Variants in PTGS1 observed in about 807,000 individuals in gnomAD.
PTGS1 encodes the protein prostaglandin G/H synthase 1.
PTGS1 carries 40 observed loss-of-function variants against 63.0 expected under a neutral mutation model. The observed-to-expected ratio is 0.63, with a 90% confidence interval of 0.49 to 0.83. The LOEUF (loss-of-function observed/expected upper bound fraction) is 0.83, where lower values mean the gene tolerates loss of function less well. PTGS1 is among the 40% of genes least tolerant of loss of function. The pLI is 0.00. For synonymous variants in PTGS1, 298 were observed against 301.9 expected (o/e 0.99, Z 0.13); for missense variants, 709 against 786.5 (o/e 0.90, Z 1.18).
rs1838412835 is a variant in PTGS1, at chr9:122,393,619, G to C, written c.*1075G>C. ...AGCATACAACAGAGGGGGCACCCGGGGAGGAGAGCACATACTGTGTTCCAA... is the reference window on the plus strand; with the variant it reads ...AGCATACAACAGAGGGGGCACCCGGCGAGGAGAGCACATACTGTGTTCCAA... On this transcript the variant is annotated 3_prime_UTR_variant, in exon 11 of 11. Coordinates refer to ENST00000362012, the MANE Select transcript of PTGS1 (RefSeq NM_000962.4). 6.6e-6 allele frequency: 1 copy of C among 152,268 alleles called. No individual in the cohort carries two copies. Among genetic ancestry groups the C allele is most frequent in the African/African-American group, 2.4e-5 (1 of 41,448 alleles). 9.4% of individuals were successfully genotyped at this position (152,268 alleles called of 1,614,324 possible). A position where few individuals can be genotyped will look rare whatever the true frequency, so the allele number is the denominator to read the frequency against.
chr9:122,376,345 TG>T (rs869206264), intron 2 of PTGS1, among the ~76,000 whole-genome samples: 2 of 2,424 alleles, frequency 8.3e-4, no homozygotes, highest in Non-Finnish European at 2.7e-3. Flanking sequence ...GGTCCTTGCT[TG>T]TGTGTGTGTG....
At chr9:122,371,611 AG>A in intron 2 of PTGS1, 1 of 1,431,688 alleles carries the variant, frequency 7.0e-7, no homozygotes, top group South Asian at 1.5e-5. Flanking sequence ...TGTTTCCTAT[AG>A]GGGCCTCTTT....
At chr9:122,392,006 C>T (rs1305580896) in intron 10 of PTGS1, among the ~76,000 whole-genome samples, 183 bp from the exon 11 acceptor site, 1 of 152,092 alleles carries the variant, frequency 6.6e-6, no homozygotes, top group Non-Finnish European at 1.5e-5. Context: ...TGTGCTTTTC[C>T]TCTTGACCCT....
rs1564139947 is a variant in PTGS1, at chr9:122,383,610, G to A, written c.864G>A (p.Gln288=). 1.9e-6 allele frequency: 3 copies of A among 1,614,232 alleles called. No homozygotes were observed. Among genetic ancestry groups the A allele is most frequent in the South Asian group, 2.2e-5 (2 of 91,074 alleles). Residue 288 remains glutamine, a synonymous_variant, in exon 8 of 11, where the codon CAG becomes CAA. Coordinates refer to ENST00000362012, the MANE Select transcript of PTGS1 (RefSeq NM_000962.4). ...IPPQSQMAVG[Q]EVFGLLPGLM... is the part of the protein sequence containing the mutation. ...CCCAGAGCCAGATGGCTGTGGGCCA[G>A]GAGGTGTTTGGGCTGCTTCCTGGGC...
rs186149216 is a variant in PTGS1, at chr9:122,380,422, G to A, written c.497-949G>A. On this transcript the variant is annotated intron_variant, in intron 5 of 10. Coordinates refer to ENST00000362012, the MANE Select transcript of PTGS1 (RefSeq NM_000962.4). ...CGAGGCTGTAGTGAGCCATAATTGC[G>A]GCACTGCACTCTGGCCTGGGCAATA... Among the ~76,000 whole-genome samples, 265 of 151,870 alleles carry A rather than the reference G, an allele frequency of 1.7e-3. 1 individual carries two copies. The highest frequency in any genetic ancestry group is 5.5e-3 in the African/African-American group (227 of 41,370).
chr9:122,391,347 CTA>C (rs1170512899), intron 10 of PTGS1, among the ~76,000 whole-genome samples: 8 of 109,564 alleles, frequency 7.3e-5, no homozygotes, highest in Admixed American at 3.1e-4. Flanking sequence ...TATATATATA[CTA>C]TATATATACA....
At chr9:122,385,059 G>A (rs1837794807) in intron 8 of PTGS1, among the ~76,000 whole-genome samples, 1 of 152,158 alleles carries the variant, frequency 6.6e-6, no homozygotes, top group Non-Finnish European at 1.5e-5. Context: ...CCGGGTTCGA[G>A]CAATTCTCGT....
At chr9:122,388,103 C>T (rs755014745) in intron 9 of PTGS1, among the ~76,000 whole-genome samples, 11 of 152,208 alleles carry the variant, frequency 7.2e-5, no homozygotes, top group Non-Finnish European at 2.9e-5. Flanking sequence ...GTTTTCAGAA[C>T]GTTTTCAAGG....
chr9:122,377,075 G>T (rs1293444831), intron 2 of PTGS1, among the ~76,000 whole-genome samples: 1 of 152,160 alleles, frequency 6.6e-6, no homozygotes, highest in Non-Finnish European at 1.5e-5. Context: ...GGATCCTAGA[G>T]CCCAGACCCC....
intron 10 of PTGS1, among the ~76,000 whole-genome samples, chr9:122,390,938 T>C (rs1838184343): frequency 6.6e-6 from 1 of 151,992 alleles, no homozygotes; most frequent in Admixed American, 6.6e-5. Flanking sequence ...AGACAGCAGG[T>C]ATCTAGGGAA....
At chr9:122,375,137 C>T (rs1179444634) in intron 2 of PTGS1, among the ~76,000 whole-genome samples, 2 of 152,216 alleles carry the variant, frequency 1.3e-5, no homozygotes, top group African/African-American at 4.8e-5. Flanking sequence ...AGCGGCAGGC[C>T]CACTGTTGTC....
rs202095521 is a variant in PTGS1, at chr9:122,381,343, C to T, written c.497-28C>T. The stretch of plus-strand genomic sequence containing the variant: ...GGCAGCAAGATCCAGATAGGAGAAG[C>T]TACTGCTGTTTCCTACCCCCCAACC... On this transcript the variant is annotated intron_variant, in intron 5 of 10. Coordinates refer to ENST00000362012, the MANE Select transcript of PTGS1 (RefSeq NM_000962.4). 56 of 1,608,750 alleles carry T rather than the reference C, an allele frequency of 3.5e-5. 2 individuals carry two copies. In the South Asian group the frequency reaches 5.8e-4, roughly 17 times the overall value.
chr9:122,379,428 T>C (rs10306141), intron 5 of PTGS1, among the ~76,000 whole-genome samples: 20,533 of 152,200 alleles, frequency 0.13, 1,511 homozygotes, highest in African/African-American at 0.17. Flanking sequence ...TGGGATATTA[T>C]TCATTTCAGA....
chr9:122,374,612 C>T (rs1837008770), intron 2 of PTGS1, among the ~76,000 whole-genome samples: 1 of 152,190 alleles, frequency 6.6e-6, no homozygotes, highest in Non-Finnish European at 1.5e-5. Context: ...GGCATGAAAA[C>T]ATGCAGGATT....
chr9:122,384,616 C>T (rs4836886), intron 8 of PTGS1, among the ~76,000 whole-genome samples: 41,856 of 151,974 alleles, frequency 0.28, 9,301 homozygotes, highest in African/African-American at 0.61. Flanking sequence ...CCTCATGAGC[C>T]GGGTATGATT....
intron 7 of PTGS1, among the ~76,000 whole-genome samples, 180 bp from the exon 8 acceptor site, chr9:122,383,329 T>C (rs574545482): frequency 2.3e-4 from 35 of 151,568 alleles, no homozygotes; most frequent in African/African-American, 8.5e-4. Context: ...CGGGGGTTGC[T>C]TGAGGTAGTG....
At chr9:122,384,127 C>A (rs886511281) in intron 8 of PTGS1, among the ~76,000 whole-genome samples, 1 of 152,138 alleles carries the variant, frequency 6.6e-6, no homozygotes, top group African/African-American at 2.4e-5. Context: ...TGGTCCCCAG[C>A]ACGTGCAGGG....
intron 5 of PTGS1, 81 bp from the exon 6 acceptor site, chr9:122,381,290 T>C: frequency 6.8e-7 from 1 of 1,469,968 alleles, no homozygotes; most frequent in South Asian, 1.3e-5. Context: ...CTTGGGCCAG[T>C]TTGCCTGGTG....
At chr9:122,373,917 G>A (rs1352768277) in intron 2 of PTGS1, among the ~76,000 whole-genome samples, 2 of 152,032 alleles carry the variant, frequency 1.3e-5, no homozygotes, top group Non-Finnish European at 1.5e-5. Context: ...TACTCTTTAG[G>A]GGATTTGGGT....
Sources: allele counts gnomAD v4.1 joint callset (sites outside exome capture counted in the v4.1 genomes callset), GRCh38; gene constraint gnomAD v4.1.1; transcripts MANE v1.5; gene names NCBI Gene and HGNC (gene_info 2026-07-23, HGNC 2026-07-21).